The following TJAP1 variants were observed in gnomAD, a reference collection of about 807,000 sequenced individuals.
TJAP1 encodes the protein tight junction associated protein 1.
A neutral mutation model predicts 42.0 loss-of-function variants in TJAP1; 27 were observed. The observed-to-expected ratio is 0.64, with a 90% CI of 0.47 to 0.89. The LOEUF (loss-of-function observed/expected upper bound fraction) is 0.89, where lower values mean the gene tolerates loss of function less well. Among genes scored for constraint, TJAP1 ranks in the 40% least tolerant of loss-of-function variants. The pLI, the probability that TJAP1 is intolerant of heterozygous loss-of-function variation, is 0.00. For missense variants in TJAP1, 712 were observed against 726.9 expected (o/e 0.98, Z 0.24); for synonymous variants, 257 against 288.4 (o/e 0.89, Z 1.10).
At position 43,505,933 on chromosome 6, in the gene TJAP1, G is replaced by A. The variant is rs114849138; in HGVS notation, c.*78G>A. ...ACACCTTGGCAGCTCAGGGTCCCCA[G>A]TCCAAGCCCTTGACCTCTCCTCTAT... On this transcript the variant is annotated 3_prime_UTR_variant, in exon 11 of 11. Coordinates refer to ENST00000372449, the Ensembl canonical transcript of TJAP1. The surrounding 1 kb of genome is among the most constrained non-coding windows in gnomAD (Gnocchi z 5.5). The A allele has an allele frequency of 0.03, 42,080 of 1,400,276 alleles. 742 individuals carry two copies. Among genetic ancestry groups the A allele is most frequent in the Non-Finnish European group, 0.033 (35,816 of 1,075,512 alleles). The allele number at this position is 1,400,276 out of a possible 1,614,324, so 86.7% of individuals were successfully genotyped here.
intron 2 of TJAP1, among the ~76,000 whole-genome samples, chr6:43,496,560 C>T (rs1379403124): frequency 6.6e-6 from 1 of 152,222 alleles, no homozygotes; most frequent in Non-Finnish European, 1.5e-5. Flanking sequence ...AGCTCCCCAC[C>T]GAACCCCAAA....
At chr6:43,504,342 C>T in intron 10 of TJAP1, 1 of 230,216 alleles carries the variant, frequency 4.3e-6, no homozygotes, top group South Asian at 6.5e-5. Context: ...GTCTCGATCT[C>T]CTGACCTCGT....
chr6:43,484,569 A>G (rs1786031205), intron 2 of TJAP1, among the ~76,000 whole-genome samples: 1 of 152,230 alleles, frequency 6.6e-6, no homozygotes, highest in Non-Finnish European at 1.5e-5. Flanking sequence ...ATTAAATCTA[A>G]AATAAGCCTT....
intron 4 of TJAP1, 57 bp downstream of exon 4, chr6:43,499,157 T>C: frequency 6.2e-7 from 1 of 1,600,458 alleles, no homozygotes; most frequent in Non-Finnish European, 8.5e-7. Context: ...TGAGGCTGGG[T>C]GTCTGGCTGA....
intron 3 of TJAP1, among the ~76,000 whole-genome samples, chr6:43,498,339 A>C (rs1360399780): frequency 6.6e-6 from 1 of 152,196 alleles, no homozygotes; most frequent in African/African-American, 2.4e-5. Context: ...GCCAAGACAG[A>C]GGGATTGCTT....
chr6:43,505,172 G>A lies in TJAP1; in HGVS notation c.991G>A (p.Val331Ile). Residue 331 changes from valine to isoleucine, a missense_variant, in exon 11 of 11, where the codon GTA (valine) becomes ATA (isoleucine). Transcript: ENST00000372449. This position sits in a 1 kb window ranked among gnomAD's most constrained non-coding sequence, Gnocchi z 5.5. ...ACACCCACTGTATCCTGGCCGCAGG[G>A]TAATAGAGTTCTCTGAGGATAAGGT... The A allele has an allele frequency of 3.1e-6, 5 of 1,614,192 alleles. No homozygotes were observed. The highest frequency in any genetic ancestry group is 2.2e-5 in the East Asian group (1 of 44,886).
intron 1 of TJAP1, 95 bp from the exon 2 acceptor site, chr6:43,477,992 C>G (rs970815009): frequency 6.6e-6 from 1 of 152,304 alleles, no homozygotes; most frequent in African/African-American, 2.4e-5. Flanking sequence ...AGGGATCTTT[C>G]TAGTAGAGTG....
chr6:43,496,263 G>GTATCA (rs1448341849), intron 2 of TJAP1, among the ~76,000 whole-genome samples: 8 of 152,244 alleles, frequency 5.3e-5, no homozygotes, highest in Non-Finnish European at 8.8e-5. Context: ...TACCCTCTGA[G>GTATCA]TATCAGAATC....
intron 10 of TJAP1, 79 bp downstream of exon 10, chr6:43,503,785 C>A: frequency 7.8e-7 from 1 of 1,275,382 alleles, no homozygotes; most frequent in Non-Finnish European, 1.1e-6. Flanking sequence ...AGTTTCTGCA[C>A]CTCTCTCTGT....
chr6:43,491,098 C>G lies in TJAP1; in HGVS notation c.-121-6783C>G, dbSNP rs1486312998. ...AAGGCTGCCTAAGTGGATTCTGTTC[C>G]CCTTGGGCTGGGTGAGAGAAGGCAG... On this transcript the variant is annotated intron_variant, in intron 2 of 10. Transcript: ENST00000372449. This position sits in a 1 kb window ranked among gnomAD's most constrained non-coding sequence, Gnocchi z 4.6. Among the ~76,000 whole-genome samples, 6 of 152,150 alleles carry G rather than the reference C, an allele frequency of 3.9e-5. No homozygotes were observed. In the South Asian group the frequency reaches 1.0e-3, roughly 26 times the overall value.
Position 43,505,896 on chromosome 6 carries a change from C to G in TJAP1, c.*41C>G. The G allele has an allele frequency of 7.0e-7, 1 of 1,430,864 alleles. No homozygotes were observed. Among genetic ancestry groups the G allele is most frequent in the Non-Finnish European group, 9.1e-7 (1 of 1,096,600 alleles). The allele number at this position is 1,430,864 out of a possible 1,614,324, so 88.6% of individuals were successfully genotyped here. A position where few individuals can be genotyped will look rare whatever the true frequency, so the allele number is the denominator to read the frequency against. On this transcript the variant is annotated 3_prime_UTR_variant, in exon 11 of 11. Coordinates refer to ENST00000372449, the Ensembl canonical transcript of TJAP1. The surrounding 1 kb of genome is among the most constrained non-coding windows in gnomAD (Gnocchi z 5.5). Reference sequence around the variant, plus strand: ...TCCTGCCATTGCTGCACCAGGACTGCAAGGAGTCCCCACACCTTGGCAGCT... The same window carrying G: ...TCCTGCCATTGCTGCACCAGGACTGGAAGGAGTCCCCACACCTTGGCAGCT...
chr6:43,490,156 G>T (rs542174779), intron 2 of TJAP1, among the ~76,000 whole-genome samples: 3 of 152,208 alleles, frequency 2.0e-5, no homozygotes, highest in African/African-American at 7.2e-5. Flanking sequence ...CTGCTCTCTT[G>T]TTCTTACTAC....
At position 43,505,439 on chromosome 6, in the gene TJAP1, G is replaced by C; in HGVS notation, c.1258G>C (p.Asp420His). ...GGTCAGCTGGCAGCGGGCATTTGTG[G>C]ACCGTACTCCACCACCTGCTGCTGT... Residue 420 changes from aspartate (D) to histidine (H), a missense_variant, in exon 11 of 11, where the codon GAC becomes CAC. Physicochemically the swap from Asp to His is moderately conservative, Grantham distance 81 (BLOSUM62 -1). Coordinates refer to ENST00000372449, the Ensembl canonical transcript of TJAP1. This position sits in a 1 kb window ranked among gnomAD's most constrained non-coding sequence, Gnocchi z 5.5. The C allele has an allele frequency of 6.2e-7, 1 of 1,613,076 alleles. No homozygotes were observed. The highest frequency in any genetic ancestry group is 1.1e-5 in the South Asian group (1 of 91,078).
intron 2 of TJAP1, among the ~76,000 whole-genome samples, chr6:43,483,702 A>G (rs1159102589): frequency 2.0e-5 from 3 of 152,162 alleles, no homozygotes; most frequent in Non-Finnish European, 4.4e-5. Context: ...TCTGCCACTC[A>G]CCACCTGTGC....
chr6:43,502,487 T>C (rs1219689762), intron 7 of TJAP1, 101 bp from the exon 8 acceptor site: 1 of 1,488,170 alleles, frequency 6.7e-7, no homozygotes, highest in Non-Finnish European at 9.2e-7. Flanking sequence ...GGTACTGCAG[T>C]GTGCTCTGCA....
At chr6:43,499,163 G>T in intron 4 of TJAP1, 63 bp downstream of exon 4, 1 of 1,594,136 alleles carries the variant, frequency 6.3e-7, no homozygotes, top group Middle Eastern at 1.7e-4. Context: ...TGGGTGTCTG[G>T]CTGACTTCTC....
chr6:43,497,327 T>G (rs1333998293), intron 2 of TJAP1: 1 of 152,312 alleles, frequency 6.6e-6, no homozygotes, highest in African/African-American at 2.4e-5. Flanking sequence ...GCTACTGCTC[T>G]GTGTTGCTCC....
chr6:43,491,705 A>G lies in TJAP1; in HGVS notation c.-121-6176A>G, dbSNP rs556206138. ...TCCATGTGGAAATGAATTTTATTAT[A>G]TGATTAATAATAGTGAATGTATGAT... On this transcript the variant is annotated intron_variant, in intron 2 of 10. Coordinates refer to ENST00000372449, the Ensembl canonical transcript of TJAP1. This position sits in a 1 kb window ranked among gnomAD's most constrained non-coding sequence, Gnocchi z 4.6. 6.6e-6 allele frequency among the ~76,000 whole-genome samples: 1 copy of G among 152,386 alleles called. No homozygotes were observed. The highest frequency in any genetic ancestry group is 1.9e-4 in the East Asian group (1 of 5,194).
chr6:43,493,344 C>T (rs1562257116), intron 2 of TJAP1, among the ~76,000 whole-genome samples: 2 of 152,146 alleles, frequency 1.3e-5, no homozygotes, highest in Non-Finnish European at 2.9e-5. Context: ...ACTGATGGGG[C>T]CACAATTACC....
Sources: gnomAD v4.1 joint callset for allele counts (sites outside exome capture counted in the v4.1 genomes callset) on GRCh38, gnomAD v4.1.1 for gene constraint, Gnocchi (gnomAD v3.1) non-coding constraint, MANE v1.5 for transcripts, NCBI Gene and HGNC (gene_info 2026-07-23, HGNC 2026-07-21) for gene names.